Variants in COL5A1 observed in about 807,000 individuals in gnomAD.
COL5A1 encodes collagen alpha-1(V) chain.
In COL5A1, 16 loss-of-function variants were observed where a neutral mutation model predicts 263.7. The observed-to-expected ratio is 0.06, with a 90% CI of 0.04 to 0.09. The LOEUF is 0.09. Among genes scored for constraint, COL5A1 ranks in the 10% least tolerant of loss-of-function variants. The pLI is 1.00. For missense variants in COL5A1, 2,036 were observed against 2,540.5 expected (o/e 0.80, Z 4.27); for synonymous variants, 1,012 against 1,004.5 (o/e 1.01, Z -0.14).
At chr9:134,703,333 G>T (rs559258129) in intron 4 of COL5A1, among the ~76,000 whole-genome samples, 18 of 152,350 alleles carry the variant, frequency 1.2e-4, no homozygotes, top group Middle Eastern at 6.8e-3. Context: ...CCAGGCAGGA[G>T]GCAGCTTCTG....
At chr9:134,799,045 A>G (rs1281153282) in intron 37 of COL5A1, among the ~76,000 whole-genome samples, 1 of 152,202 alleles carries the variant, frequency 6.6e-6, no homozygotes, top group African/African-American at 2.4e-5. Flanking sequence ...TACACTAAAG[A>G]AAACAAGCGC....
At chr9:134,780,918 C>A (rs1837227075) in intron 28 of COL5A1, among the ~76,000 whole-genome samples, 1 of 152,244 alleles carries the variant, frequency 6.6e-6, no homozygotes, top group African/African-American at 2.4e-5. Flanking sequence ...GTGGGTTCGC[C>A]CTGCCATGCC....
rs148146480 is a variant in COL5A1, at chr9:134,785,059, A to T, written c.2555A>T (p.Asn852Ile). 46 of 1,613,320 alleles carry T rather than the reference A, an allele frequency of 2.9e-5. No individual in the cohort carries two copies. Among genetic ancestry groups the T allele is most frequent in the Non-Finnish European group, 3.6e-5 (43 of 1,179,978 alleles). Residue 852 changes from asparagine (N) to isoleucine (I), a missense_variant, in exon 30 of 66, where the codon AAT (asparagine) becomes ATT (isoleucine). Physicochemically the swap from Asn to Ile is moderately radical, Grantham distance 149 (BLOSUM62 -3). Coordinates refer to ENST00000371817, the MANE Select transcript of COL5A1 (RefSeq NM_000093.5). ...PEGPKGRGGP[N>I]GDPGPLGPPG... ...GGCCCAAAGGGTCGCGGAGGTCCCAATGGTGACCCCGGTCCTCTGGGACCC... is the reference window on the plus strand; with the variant it reads ...GGCCCAAAGGGTCGCGGAGGTCCCATTGGTGACCCCGGTCCTCTGGGACCC...
rs1417375001 is a variant in COL5A1 at position 134,765,017 on chromosome 9, G to A, written c.2035-664G>A. Among the ~76,000 whole-genome samples the A allele has an allele frequency of 6.6e-6, 1 of 152,154 alleles. No individual in the cohort carries two copies. Among genetic ancestry groups the A allele is most frequent in the Admixed American group, 6.5e-5 (1 of 15,284 alleles). On this transcript the variant is annotated intron_variant, in intron 20 of 65. Coordinates refer to ENST00000371817, the MANE Select transcript of COL5A1 (RefSeq NM_000093.5). This position sits in a 1 kb window ranked among gnomAD's most constrained non-coding sequence, Gnocchi z 5.1. The stretch of plus-strand genomic sequence containing the variant: ...AATTCTCCGTGGGTGGGGGGTGTGA[G>A]TGCCCTGTGGCAGGCAGTTCTCCCG...
At chr9:134,809,096 G>C in intron 42 of COL5A1, 87 bp from the exon 43 acceptor site, 1 of 1,170,122 alleles carries the variant, frequency 8.5e-7, no homozygotes, top group Middle Eastern at 1.9e-4. Context: ...CTTCCTGCCA[G>C]CGGATCCCTC....
At chr9:134,727,430 A>G in intron 5 of COL5A1, 33 bp downstream of exon 5, 3 of 1,613,372 alleles carry the variant, frequency 1.9e-6, no homozygotes, top group Non-Finnish European at 2.5e-6. Context: ...CTTGGGGAGC[A>G]TGAGCAGACT....
intron 4 of COL5A1, among the ~76,000 whole-genome samples, chr9:134,703,639 T>G (rs1262085967): frequency 1.5e-5 from 2 of 133,138 alleles, no homozygotes; most frequent in Admixed American, 7.3e-5. Context: ...TTTTTTTTTT[T>G]TTTTTTTTTT....
chr9:134,773,228 G>A (rs1044025605), intron 26 of COL5A1, among the ~76,000 whole-genome samples: 5 of 152,204 alleles, frequency 3.3e-5, no homozygotes, highest in Non-Finnish European at 5.9e-5. Context: ...AGGTCACGCC[G>A]GTGCCAGGGA....
Position 134,765,695 on chromosome 9 carries a change from G to T in COL5A1, c.2049G>T (p.Leu683=). The change falls in exon 21 of 66, where the codon CTG becomes CTT. Residue 683 remains leucine, a synonymous_variant. Coordinates refer to ENST00000371817, the MANE Select transcript of COL5A1 (RefSeq NM_000093.5). This position sits in a 1 kb window ranked among gnomAD's most constrained non-coding sequence, Gnocchi z 5.1. ...TCCTCTTACAGGGGCCACGTGGTCTGCTTGGGCCGAAGGGGCCCCCAGGTC... is the reference window on the plus strand; with the variant it reads ...TCCTCTTACAGGGGCCACGTGGTCTTCTTGGGCCGAAGGGGCCCCCAGGTC... ...GLPGEPGPRG[L]LGPKGPPGPP... is the part of the protein sequence containing the mutation. 1.2e-6 allele frequency: 2 copies of T among 1,613,720 alleles called. No individual in the cohort carries two copies.
chr9:134,774,407 G>A (rs11999254), intron 26 of COL5A1, among the ~76,000 whole-genome samples: 10,531 of 152,202 alleles, frequency 0.069, 567 homozygotes, highest in African/African-American at 0.14. Context: ...GTTGAGCATC[G>A]GCGAGGCCCT....
chr9:134,830,370 T>C, intron 64 of COL5A1: 1 of 630,318 alleles, frequency 1.6e-6, no homozygotes, highest in Non-Finnish European at 2.8e-6. Flanking sequence ...CAAGAGTGTG[T>C]TTCTGCCTGG....
rs1236102295 is a variant in COL5A1, at chr9:134,844,554, T to C, written c.*2251T>C. The C allele has an allele frequency of 6.6e-6, 1 of 152,244 alleles. No homozygotes were observed. The highest frequency in any genetic ancestry group is 1.5e-5 in the Non-Finnish European group (1 of 68,046). 9.4% of individuals were successfully genotyped at this position (152,244 alleles called of 1,614,324 possible). On this transcript the variant is annotated 3_prime_UTR_variant, in exon 66 of 66. Coordinates refer to ENST00000371817, the MANE Select transcript of COL5A1 (RefSeq NM_000093.5). Reference sequence around the variant, plus strand: ...ACTTCTTATATTTGCAGAAATTCTTTTGGTGTAATTTTATTTTTTCCTCTC... The same window carrying C: ...ACTTCTTATATTTGCAGAAATTCTTCTGGTGTAATTTTATTTTTTCCTCTC...
At chr9:134,812,342 C>A in intron 46 of COL5A1, 107 bp from the exon 47 acceptor site, 1 of 1,188,022 alleles carries the variant, frequency 8.4e-7, no homozygotes, top group Non-Finnish European at 1.2e-6. Context: ...CTTCCCGGGG[C>A]TTCGGGGGCT....
rs1304926485 is a variant in COL5A1, at chr9:134,680,789, G to A, written c.110-10123G>A. Among the ~76,000 whole-genome samples the A allele has an allele frequency of 6.6e-6, 1 of 152,210 alleles. No homozygotes were observed. Among genetic ancestry groups the A allele is most frequent in the Non-Finnish European group, 1.5e-5 (1 of 68,032 alleles). The stretch of plus-strand genomic sequence containing the variant: ...CACAGGGGCAGAAGGACGGGTGAGG[G>A]CCGGGACTTTGACATCAGGCAGAGG... On this transcript the variant is annotated intron_variant, in intron 1 of 65. Transcript: ENST00000371817. This position sits in a 1 kb window ranked among gnomAD's most constrained non-coding sequence, Gnocchi z 5.9.
At chr9:134,714,554 TGTG>T (rs1407998351) in intron 4 of COL5A1, among the ~76,000 whole-genome samples, 15 of 13,950 alleles carry the variant, frequency 1.1e-3, no homozygotes, top group African/African-American at 3.8e-3. Flanking sequence ...GTGGAGGTGA[TGTG>T]GTGGTGATAG....
intron 64 of COL5A1, among the ~76,000 whole-genome samples, chr9:134,832,183 A>G (rs1186351361): frequency 6.6e-6 from 1 of 152,166 alleles, no homozygotes; most frequent in Non-Finnish European, 1.5e-5. Context: ...AGGCGGATGG[A>G]TCACCTGAGG....
Position 134,822,521 on chromosome 9 carries a change from C to T in COL5A1, c.4608+371C>T, listed in dbSNP as rs187706312. 3.5e-3 allele frequency among the ~76,000 whole-genome samples: 528 copies of T among 152,256 alleles called. 4 individuals carry two copies. Among genetic ancestry groups the T allele is most frequent in the African/African-American group, 0.012 (488 of 41,546 alleles). ...CAGACAAGAGCAGTTAGCTGCCCTCCTCTGGCACCGCTGCCTGGGTCTCAC... is the reference window on the plus strand; with the variant it reads ...CAGACAAGAGCAGTTAGCTGCCCTCTTCTGGCACCGCTGCCTGGGTCTCAC... On this transcript the variant is annotated intron_variant, in intron 59 of 65. Coordinates refer to ENST00000371817, the MANE Select transcript of COL5A1 (RefSeq NM_000093.5).
intron 36 of COL5A1, 84 bp from the exon 37 acceptor site, chr9:134,798,324 C>T (rs1238610141): frequency 1.5e-5 from 19 of 1,258,744 alleles, no homozygotes; most frequent in African/African-American, 7.3e-5. Context: ...ATGGAAATAA[C>T]GGTCACTCCA....
At chr9:134,773,335 C>G (rs946735338) in intron 26 of COL5A1, among the ~76,000 whole-genome samples, 19 of 152,190 alleles carry the variant, frequency 1.2e-4, no homozygotes, top group African/African-American at 4.6e-4. Context: ...TGCAGCACGT[C>G]CACCAGCGCC....
Sources: allele counts gnomAD v4.1 joint callset (sites outside exome capture counted in the v4.1 genomes callset), GRCh38; gene constraint gnomAD v4.1.1; non-coding constraint Gnocchi (gnomAD v3.1); transcripts MANE v1.5; gene names NCBI Gene and HGNC (gene_info 2026-07-23, HGNC 2026-07-21).